Variants in CMTM7 observed in about 807,000 individuals in gnomAD.
CMTM7 encodes the protein CKLF like MARVEL transmembrane domain containing 7.
In CMTM7, 7 loss-of-function variants were observed where a neutral mutation model predicts 19.3. The ratio of observed to expected loss-of-function variants is 0.36; its 90% CI spans 0.21 to 0.68. CMTM7 has a LOEUF of 0.68. CMTM7 is among the 30% of genes least tolerant of loss of function. The probability of loss-of-function intolerance (pLI) is 0.60; values close to 1 mark genes in which losing one functional copy is unlikely to be tolerated. For missense variants in CMTM7, 193 were observed against 232.6 expected, an observed-to-expected ratio of 0.83 and a Z score of 1.11; for synonymous variants, 87 against 99.3, an observed-to-expected ratio of 0.88 and a Z score of 0.74.
At chr3:32,411,202 T>C (rs1349026529) in intron 1 of CMTM7, among the ~76,000 whole-genome samples, 1 of 152,246 alleles carries the variant, frequency 6.6e-6, no homozygotes, top group East Asian at 1.9e-4. Flanking sequence ...GAAGGCACCA[T>C]TGTTTTAGGC....
At chr3:32,418,260 G>T (rs1382797161) in intron 1 of CMTM7, among the ~76,000 whole-genome samples, 1 of 152,110 alleles carries the variant, frequency 6.6e-6, no homozygotes, top group African/African-American at 2.4e-5. Flanking sequence ...AGGCTTGTTG[G>T]TTTTTTATTT....
At chr3:32,416,539 C>T (rs372323206) in intron 1 of CMTM7, among the ~76,000 whole-genome samples, 20 of 142,812 alleles carry the variant, frequency 1.4e-4, no homozygotes, top group Admixed American at 8.5e-4. Context: ...TACAGGCGCC[C>T]GCCACCGCGC....
Position 32,452,381 on chromosome 3 carries a change from C to A in CMTM7, c.433-11C>A. On this transcript the variant is annotated splice_polypyrimidine_tract_variant and intron_variant, in intron 3 of 4. Transcript: ENST00000334983. ...GGCCTGTGAACTTCCTCTCCCCTCT[C>A]TCCACTGCAGATCTTTGGTTTCATG... is the stretch of plus-strand genomic sequence containing the variant. 2 of 1,614,202 alleles carry A rather than the reference C, an allele frequency of 1.2e-6. No homozygotes were observed. The highest frequency in any genetic ancestry group is 1.7e-6 in the Non-Finnish European group (2 of 1,180,036).
intron 1 of CMTM7, among the ~76,000 whole-genome samples, chr3:32,393,030 C>CTTA (rs1194965634): frequency 6.6e-6 from 1 of 152,066 alleles, no homozygotes; most frequent in African/African-American, 2.4e-5. Flanking sequence ...GGGAGGGGAG[C>CTTA]GGTAAGTTTC....
At chr3:32,429,931 A>C (rs1696490682) in intron 1 of CMTM7, among the ~76,000 whole-genome samples, 1 of 152,264 alleles carries the variant, frequency 6.6e-6, no homozygotes, top group East Asian at 1.9e-4. Context: ...TGTTTTATGG[A>C]AAATTTCAGC....
chr3:32,434,248 T>A (rs1696562397), intron 1 of CMTM7, among the ~76,000 whole-genome samples: 1 of 151,976 alleles, frequency 6.6e-6, no homozygotes, highest in African/African-American at 2.4e-5. Context: ...GAACTAAAAA[T>A]TGTATGTATA....
intron 1 of CMTM7, among the ~76,000 whole-genome samples, chr3:32,404,162 C>CTTTTTTTTT (rs5847761): frequency 6.7e-5 from 5 of 74,694 alleles, no homozygotes; most frequent in Admixed American, 3.1e-4. Context: ...CTTTTTTTTT[C>CTTTTTTTTT]TTTTTTTTTT....
intron 1 of CMTM7, among the ~76,000 whole-genome samples, chr3:32,393,834 T>C (rs1444061458): frequency 2.0e-5 from 3 of 150,038 alleles, no homozygotes; most frequent in Non-Finnish European, 4.4e-5. Flanking sequence ...CTTCATGTGG[T>C]CCATGATTTT....
At chr3:32,414,214 G>A (rs1696224134) in intron 1 of CMTM7, among the ~76,000 whole-genome samples, 1 of 151,986 alleles carries the variant, frequency 6.6e-6, no homozygotes, top group Non-Finnish European at 1.5e-5. Flanking sequence ...TATTTCCAGG[G>A]AATTCCACCA....
At chr3:32,392,448 T>C (rs947420083) in intron 1 of CMTM7, among the ~76,000 whole-genome samples, 2 of 152,148 alleles carry the variant, frequency 1.3e-5, no homozygotes, top group South Asian at 4.2e-4. Flanking sequence ...GGTGGAAGAG[T>C]CGCCCAGGCG....
chr3:32,403,316 G>A (rs1244712118), intron 1 of CMTM7, among the ~76,000 whole-genome samples: 1 of 152,166 alleles, frequency 6.6e-6, no homozygotes, highest in East Asian at 1.9e-4. Context: ...CTGGGCTCAA[G>A]CGATCTTCCT....
chr3:32,444,688 C>A (rs1696729044), intron 2 of CMTM7, among the ~76,000 whole-genome samples: 1 of 152,138 alleles, frequency 6.6e-6, no homozygotes, highest in South Asian at 2.1e-4. Context: ...GAAGTTTTTC[C>A]ATTTTTTTAG....
chr3:32,395,442 G>A (rs1054329880), intron 1 of CMTM7, among the ~76,000 whole-genome samples: 3 of 152,072 alleles, frequency 2.0e-5, no homozygotes, highest in African/African-American at 7.2e-5. Flanking sequence ...ATAAGGAAAC[G>A]GGCTAAAGAG....
At chr3:32,409,293 T>G (rs192595101) in intron 1 of CMTM7, among the ~76,000 whole-genome samples, 18 of 152,292 alleles carry the variant, frequency 1.2e-4, no homozygotes, top group African/African-American at 3.9e-4. Flanking sequence ...CATTTTACAT[T>G]TGTTTGATCG....
intron 1 of CMTM7, among the ~76,000 whole-genome samples, chr3:32,421,610 T>C (rs1298353793): frequency 6.6e-6 from 1 of 152,202 alleles, no homozygotes; most frequent in Non-Finnish European, 1.5e-5. Context: ...ATTTATCCCC[T>C]GTTTTGTTGT....
At chr3:32,422,930 A>G (rs1022556387) in intron 1 of CMTM7, among the ~76,000 whole-genome samples, 6 of 152,252 alleles carry the variant, frequency 3.9e-5, no homozygotes, top group South Asian at 2.1e-4. Flanking sequence ...TACTGAATGT[A>G]TATCACTTCC....
intron 1 of CMTM7, among the ~76,000 whole-genome samples, chr3:32,434,464 T>C (rs1230138144): frequency 8.9e-5 from 1 of 11,268 alleles, no homozygotes; most frequent in African/African-American, 2.9e-4. Flanking sequence ...GCCTGGCCAA[T>C]TTTAAAAATT....
At chr3:32,430,716 A>T (rs377715575) in intron 1 of CMTM7, among the ~76,000 whole-genome samples, 4 of 26,956 alleles carry the variant, frequency 1.5e-4, no homozygotes, top group Non-Finnish European at 2.1e-4. Context: ...TGTGTGTGTG[A>T]CACAGCTCTC....
chr3:32,435,705 G>A (rs190037768), intron 1 of CMTM7, among the ~76,000 whole-genome samples: 3 of 152,304 alleles, frequency 2.0e-5, no homozygotes, highest in East Asian at 3.9e-4. Flanking sequence ...ATCCAGCCCC[G>A]AATGTCAGTA....
Sources: gnomAD v4.1 joint callset for allele counts (sites outside exome capture counted in the v4.1 genomes callset) on GRCh38, gnomAD v4.1.1 for gene constraint, MANE v1.5 for transcripts, NCBI Gene and HGNC (gene_info 2026-07-23, HGNC 2026-07-21) for gene names.